FAM200B: variants seen among roughly 807,000 people sequenced by gnomAD.
FAM200B encodes the protein protein FAM200B.
FAM200B carries 32 observed loss-of-function variants against 33.1 expected under a neutral mutation model. That is an observed-to-expected ratio of 0.97 (90% confidence interval 0.73 to 1.30). The LOEUF is 1.30. Among genes scored for constraint, FAM200B ranks in the 50% most tolerant of loss-of-function variants. FAM200B has a pLI of 0.00. For missense variants in FAM200B, 741 were observed against 754.0 expected, an observed-to-expected ratio of 0.98 and a Z score of 0.20; for synonymous variants, 240 against 264.8, an observed-to-expected ratio of 0.91 and a Z score of 0.91.
chr4:15,655,073 G>T, the FAM200B span: 1 of 611,400 alleles, frequency 1.6e-6, no homozygotes, highest in Non-Finnish European at 2.2e-6. Context: ...GCTGACAGCT[G>T]CGCAGGCGGC....
chr4:15,683,486 C>T (rs1430713423), intron 1 of FAM200B, among the ~76,000 whole-genome samples: 1 of 151,864 alleles, frequency 6.6e-6, no homozygotes, highest in African/African-American at 2.4e-5. Context: ...GGGATTGAAA[C>T]GTGAATAGTA....
Position 15,688,704 on chromosome 4 carries a change from A to C in FAM200B, c.1727A>C (p.Glu576Ala). ...TCATATACATTGAAGAATGATTATGAAACCTTAAGTTTATCAGCATTTTGG... is the reference window on the plus strand; with the variant it reads ...TCATATACATTGAAGAATGATTATGCAACCTTAAGTTTATCAGCATTTTGG... ...SSSYTLKNDY[E>A]TLSLSAFWMK... is the part of the protein sequence containing the mutation. Residue 576 changes from glutamate to alanine, a missense_variant, in exon 2 of 2, where the codon GAA becomes GCA. Glu to Ala is a moderately radical substitution (Grantham distance 107). Transcript: ENST00000422728. 4.5e-6 allele frequency: 7 copies of C among 1,551,118 alleles called. No individual in the cohort carries two copies. The highest frequency in any genetic ancestry group is 5.2e-6 in the Non-Finnish European group (6 of 1,146,594).
At position 15,688,912 on chromosome 4, in the gene FAM200B, C is replaced by T. The variant is rs559945354; in HGVS notation, c.1935C>T (p.Asp645=). Residue 645 remains aspartate (D), a synonymous_variant, in exon 2 of 2, where the codon GAC becomes GAT. Transcript: ENST00000422728. The part of the protein sequence containing the change: ...MRVALSSCVP[D]WNELMNRQAH... ...TAGCATTATCTTCCTGTGTTCCAGA[C>T]TGGAATGAACTTATGAACAGGCAAG... The T allele has an allele frequency of 2.2e-5, 33 of 1,534,610 alleles. No homozygotes were observed. In the South Asian group the frequency reaches 3.9e-4, roughly 18 times the overall value.
At chr4:15,648,013 C>T in the FAM200B span, among the ~76,000 whole-genome samples, 1 of 152,120 alleles carries the variant, frequency 6.6e-6, no homozygotes, top group Non-Finnish European at 1.5e-5. Context: ...GTGGTGTGCA[C>T]CACACCCAGT....
chr4:15,649,578 C>CAA, the FAM200B span, among the ~76,000 whole-genome samples: 8,660 of 81,178 alleles, frequency 0.11, 404 homozygotes, highest in Non-Finnish European at 0.15. Flanking sequence ...GACTACGTCT[C>CAA]AAAAAAAAAA....
chr4:15,682,906 A>G (rs560501950), intron 1 of FAM200B, among the ~76,000 whole-genome samples: 6 of 152,362 alleles, frequency 3.9e-5, no homozygotes, highest in African/African-American at 1.2e-4. Flanking sequence ...TATGGAGATC[A>G]TGTGATGAAG....
the FAM200B span, among the ~76,000 whole-genome samples, chr4:15,639,402 C>T: frequency 6.6e-6 from 1 of 152,164 alleles, no homozygotes; most frequent in African/African-American, 2.4e-5. Context: ...GTAGTGGAAC[C>T]ATAAAAGTCA....
chr4:15,653,103 T>G, the FAM200B span, among the ~76,000 whole-genome samples: 1 of 151,376 alleles, frequency 6.6e-6, no homozygotes, highest in African/African-American at 2.4e-5. Context: ...AAAATTCCTA[T>G]GCATTTTTTT....
chr4:15,686,882 T>C lies in FAM200B; in HGVS notation c.-96T>C, dbSNP rs1035448198. The C allele has an allele frequency of 4.1e-5, 24 of 587,330 alleles. No homozygotes were observed. In the South Asian group the frequency reaches 7.5e-4, roughly 18 times the overall value. 36.4% of individuals were successfully genotyped at this position (587,330 alleles called of 1,614,324 possible). A position where few individuals can be genotyped will look rare whatever the true frequency, so the allele number is the denominator to read the frequency against. ...AATTGCAAACTTTGAGTGTAGTTTTTGAAAAGATGTTATTTAGACTGTATA... is the reference window on the plus strand; with the variant it reads ...AATTGCAAACTTTGAGTGTAGTTTTCGAAAAGATGTTATTTAGACTGTATA... On this transcript the variant is annotated 5_prime_UTR_variant, in exon 2 of 2. The change abolishes the stop of an existing upstream ORF in the 5' untranslated region. Transcript: ENST00000422728.
chr4:15,667,224 C>T, the FAM200B span, among the ~76,000 whole-genome samples: 1 of 152,162 alleles, frequency 6.6e-6, no homozygotes, highest in Non-Finnish European at 1.5e-5. Flanking sequence ...CACATGATCA[C>T]GGGCAACCTC....
the FAM200B span, among the ~76,000 whole-genome samples, chr4:15,642,091 G>A: frequency 6.6e-6 from 1 of 151,666 alleles, no homozygotes; most frequent in Admixed American, 6.6e-5. Context: ...CACTTCTAAA[G>A]GCAAGGTGCT....
rs1360392243 is a variant in FAM200B, at chr4:15,687,467, AAC to A, written c.494_495del (p.Thr165SerfsTer3). ...TCGTGTGGCAAAAGAGAAAATAGCT[AAC>A]ACAGCTGCTGAAAAAATTATTCTTC... ...AYRVAKEKIA[N>X]TAAEKIILPA... is the part of the protein sequence containing the mutation. On this transcript the variant is annotated frameshift_variant, in exon 2 of 2. Transcript: ENST00000422728. LOFTEE classifies it high-confidence loss of function. 7 of 1,551,212 alleles carry A rather than the reference AAC, an allele frequency of 4.5e-6. No individual in the cohort carries two copies. Among genetic ancestry groups the A allele is most frequent in the Non-Finnish European group, 6.1e-6 (7 of 1,146,752 alleles).
At chr4:15,670,948 G>A in the FAM200B span, among the ~76,000 whole-genome samples, 1 of 113,094 alleles carries the variant, frequency 8.8e-6, no homozygotes, top group Non-Finnish European at 1.7e-5. Flanking sequence ...TTTTGAGATC[G>A]AGTCTCACTC....
the FAM200B span, chr4:15,638,714 C>T: frequency 6.7e-7 from 1 of 1,482,536 alleles, no homozygotes; most frequent in Non-Finnish European, 9.2e-7. Context: ...ACAAAATATT[C>T]ACGAGGAAAG....
chr4:15,663,613 ATAC>A, the FAM200B span, among the ~76,000 whole-genome samples: 5 of 152,240 alleles, frequency 3.3e-5, no homozygotes, highest in Admixed American at 1.3e-4. Flanking sequence ...TGAAATGGAA[ATAC>A]TACTACCTAT....
At chr4:15,653,059 A>C in the FAM200B span, among the ~76,000 whole-genome samples, 4 of 152,312 alleles carry the variant, frequency 2.6e-5, no homozygotes, top group Middle Eastern at 0.014. Flanking sequence ...AGAGATTTCC[A>C]TTGGCTATCA....
chr4:15,661,941 G>A, the FAM200B span, among the ~76,000 whole-genome samples: 1 of 152,200 alleles, frequency 6.6e-6, no homozygotes, highest in Admixed American at 6.5e-5. Context: ...AAGGACCTCA[G>A]GTCCTCACCA....
At chr4:15,678,157 C>T (rs1718064707), upstream of FAM200B, among the ~76,000 whole-genome samples, 1 of 152,126 alleles carries the variant, frequency 6.6e-6, no homozygotes, top group African/African-American at 2.4e-5. Flanking sequence ...TATGAAGTTG[C>T]ACATACTTTT....
the FAM200B span, among the ~76,000 whole-genome samples, chr4:15,660,869 G>C: frequency 8.3e-3 from 1,261 of 152,206 alleles, 15 homozygotes; most frequent in African/African-American, 0.029. Context: ...TTCAGGTCAG[G>C]AGTTTGAAAC....
Sources: allele counts gnomAD v4.1 joint callset (sites outside exome capture counted in the v4.1 genomes callset), GRCh38; gene constraint gnomAD v4.1.1; transcripts MANE v1.5; gene names NCBI Gene and HGNC (gene_info 2026-07-23, HGNC 2026-07-21).